MEGF9: variants seen among roughly 807,000 people sequenced by gnomAD.
The protein encoded by MEGF9 is multiple EGF like domains 9.
A neutral mutation model predicts 46.8 loss-of-function variants in MEGF9; 6 were observed. That is an observed-to-expected ratio of 0.13 (90% CI 0.07 to 0.25). MEGF9 has a LOEUF of 0.25. Among genes scored for constraint, MEGF9 ranks in the 10% least tolerant of loss-of-function variants. The pLI is 1.00. For synonymous variants in MEGF9, 302 were observed against 330.7 expected (o/e 0.91, Z 0.94); for missense variants, 683 against 792.4 (o/e 0.86, Z 1.66).
Position 120,668,397 on chromosome 9 carries a change from TTTAAG to T in MEGF9, c.602-8827_602-8823del, listed in dbSNP as rs200312430. 1.0e-3 allele frequency among the ~76,000 whole-genome samples: 153 copies of T among 152,370 alleles called. 1 individual carries two copies. The East Asian group carries it at 0.014, about 14-fold the overall frequency. On this transcript the variant is annotated intron_variant, in intron 1 of 5. Transcript: ENST00000373930. ...AAAGCCACTACTTTTAAAGAAAAGC[TTTAAG>T]TTTTGTTTGAAAATAAAAATGTATC...
intron 1 of MEGF9, 110 bp from the exon 2 acceptor site, chr9:120,659,685 G>A: frequency 1.1e-6 from 1 of 924,196 alleles, no homozygotes; most frequent in Non-Finnish European, 1.6e-6. Flanking sequence ...ACTTTGTAAG[G>A]ATAGATAAAA....
intron 5 of MEGF9, among the ~76,000 whole-genome samples, chr9:120,606,834 G>A (rs2043422159): frequency 6.6e-6 from 1 of 152,058 alleles, no homozygotes. Context: ...CACCATGAAA[G>A]CCATATCAAT....
intron 1 of MEGF9, among the ~76,000 whole-genome samples, chr9:120,709,288 G>A (rs554404599): frequency 6.6e-6 from 1 of 152,138 alleles, no homozygotes; most frequent in Non-Finnish European, 1.5e-5. Flanking sequence ...GTGGTGGCAT[G>A]CACCATAATT....
At chr9:120,613,816 T>A (rs2043459469) in intron 3 of MEGF9, among the ~76,000 whole-genome samples, 2 of 152,172 alleles carry the variant, frequency 1.3e-5, no homozygotes. Flanking sequence ...AGGAAGATAA[T>A]GACATTTTAC....
chr9:120,712,831 T>C (rs2043959759), intron 1 of MEGF9, among the ~76,000 whole-genome samples: 1 of 152,194 alleles, frequency 6.6e-6, no homozygotes, highest in South Asian at 2.1e-4. Flanking sequence ...TCTGACAAAG[T>C]AGGCTTTTGT....
intron 3 of MEGF9, among the ~76,000 whole-genome samples, chr9:120,614,025 T>A (rs1211861650): frequency 6.6e-6 from 1 of 152,040 alleles, no homozygotes; most frequent in African/African-American, 2.4e-5. Context: ...CAATTTTTTT[T>A]TTTTTTCTTT....
At chr9:120,651,623 T>C (rs1273752326) in intron 2 of MEGF9, among the ~76,000 whole-genome samples, 4 of 152,126 alleles carry the variant, frequency 2.6e-5, no homozygotes, top group Admixed American at 2.0e-4. Context: ...TTCTAAAATA[T>C]ATAGCATTCA....
In MEGF9 at chr9:120,699,300, T is replaced by G. The variant is rs150303612; in HGVS notation, c.601+14458A>C. On this transcript the variant is annotated intron_variant, in intron 1 of 5. Coordinates refer to ENST00000373930, the MANE Select transcript of MEGF9 (RefSeq NM_001080497.3). ...TTATCATGAGAAATGAAGCAATATA[T>G]GCAGTAATAAAATATTAAACTCAAT... is the stretch of plus-strand genomic sequence containing the variant. 1.8e-3 allele frequency among the ~76,000 whole-genome samples: 271 copies of G among 152,260 alleles called. 2 individuals are homozygous for G. The highest frequency in any genetic ancestry group is 6.4e-3 in the African/African-American group (264 of 41,544).
At chr9:120,677,266 C>T (rs753233382) in intron 1 of MEGF9, among the ~76,000 whole-genome samples, 1 of 151,860 alleles carries the variant, frequency 6.6e-6, no homozygotes, top group Non-Finnish European at 1.5e-5. Flanking sequence ...GTAGTTGGGA[C>T]TACAGGCGTG....
chr9:120,713,842 G>A lies in MEGF9; in HGVS notation c.517C>T (p.Pro173Ser). The change falls in exon 1 of 6, where the codon CCG (proline) becomes TCG (serine). Residue 173 changes from proline to serine, a missense_variant. By Grantham distance (74) the Pro-to-Ser change is moderately conservative. Coordinates refer to ENST00000373930, the MANE Select transcript of MEGF9 (RefSeq NM_001080497.3). ...CTGCTGCTGGGGAGATCGGGGGTCG[G>A]GGTCCGGGGAGTCGTGGGCGCCGGT... ...TVPAPTTPRT[P>S]TPDLPSSSNS... 1 of 1,301,650 alleles carries A rather than the reference G, an allele frequency of 7.7e-7. No homozygotes were observed. The highest frequency in any genetic ancestry group is 9.8e-7 in the Non-Finnish European group (1 of 1,023,030). 80.6% of individuals were successfully genotyped at this position (1,301,650 alleles called of 1,614,324 possible).
Position 120,628,495 on chromosome 9 carries a change from T to TTC in MEGF9, c.804-5741_804-5740insGA, listed in dbSNP as rs1430387520. ...TTTTTTTTTTTTTTTTTTTTTTTTT[T>TTC]CAGAGACAGAGGACAGTTTATTCCT... On this transcript the variant is annotated intron_variant, in intron 2 of 5. Coordinates refer to ENST00000373930, the MANE Select transcript of MEGF9 (RefSeq NM_001080497.3). Among the ~76,000 whole-genome samples, 202 of 142,750 alleles carry TTC rather than the reference T, an allele frequency of 1.4e-3. 2 individuals carry two copies. Among genetic ancestry groups the TTC allele is most frequent in the Non-Finnish European group, 2.5e-3 (169 of 66,710 alleles). 93.6% of individuals were successfully genotyped at this position (142,750 alleles called of 152,430 possible).
intron 5 of MEGF9, among the ~76,000 whole-genome samples, chr9:120,607,219 T>C (rs1294390450): frequency 6.6e-6 from 1 of 152,224 alleles, no homozygotes; most frequent in African/African-American, 2.4e-5. Context: ...TACTGAGCTT[T>C]CCTATAAGAA....
At chr9:120,671,147 G>C (rs900110593) in intron 1 of MEGF9, among the ~76,000 whole-genome samples, 1 of 152,032 alleles carries the variant, frequency 6.6e-6, no homozygotes, top group African/African-American at 2.4e-5. Flanking sequence ...CTCTTTCTTT[G>C]GTCTCCACGT....
At chr9:120,705,730 A>G (rs2043926397) in intron 1 of MEGF9, among the ~76,000 whole-genome samples, 1 of 152,220 alleles carries the variant, frequency 6.6e-6, no homozygotes, top group South Asian at 2.1e-4. Context: ...GTATCCAGAC[A>G]TAATCTTTAT....
intron 1 of MEGF9, among the ~76,000 whole-genome samples, chr9:120,699,825 T>C (rs1355671640): frequency 6.6e-6 from 1 of 151,708 alleles, no homozygotes; most frequent in African/African-American, 2.4e-5. Context: ...GAGTTTAATA[T>C]GAGATAAAGA....
At chr9:120,703,326 A>G (rs895216123) in intron 1 of MEGF9, among the ~76,000 whole-genome samples, 1 of 152,250 alleles carries the variant, frequency 6.6e-6, no homozygotes, top group Non-Finnish European at 1.5e-5. Flanking sequence ...TGGGCTGGAC[A>G]GCAGAGGTAT....
intron 1 of MEGF9, among the ~76,000 whole-genome samples, chr9:120,693,884 TCTC>T (rs1219355638): frequency 6.6e-6 from 1 of 151,802 alleles, no homozygotes; most frequent in African/African-American, 2.4e-5. Flanking sequence ...ATCCAAGTCT[TCTC>T]CTCTGGAAAC....
intron 1 of MEGF9, among the ~76,000 whole-genome samples, chr9:120,705,916 C>G (rs1199373250): frequency 2.0e-5 from 3 of 149,462 alleles, no homozygotes; most frequent in Non-Finnish European, 4.5e-5. Context: ...TTATATCACA[C>G]CTAAAAAAAA....
intron 1 of MEGF9, among the ~76,000 whole-genome samples, chr9:120,696,959 T>C (rs1289170292): frequency 2.0e-5 from 3 of 152,240 alleles, no homozygotes; most frequent in African/African-American, 7.2e-5. Flanking sequence ...AGCTGCTCCT[T>C]TGTCTGATCT....
Sources: allele counts gnomAD v4.1 joint callset (sites outside exome capture counted in the v4.1 genomes callset), GRCh38; gene constraint gnomAD v4.1.1; transcripts MANE v1.5; gene names NCBI Gene and HGNC (gene_info 2026-07-23, HGNC 2026-07-21).